The following WDR3 variants were observed in gnomAD, a reference collection of about 807,000 sequenced individuals.
The protein encoded by WDR3 is WD repeat-containing protein 3.
In WDR3, 81 loss-of-function variants were observed where a neutral mutation model predicts 123.7. The observed-to-expected ratio is 0.65, with a 90% confidence interval of 0.55 to 0.79. WDR3 has a LOEUF of 0.79. Ranked by LOEUF, WDR3 falls within the 30% of genes least tolerant of loss-of-function variation. WDR3 has a pLI of 0.00. For missense variants in WDR3, 1,027 were observed against 1,123.2 expected (o/e 0.91, Z 1.22); for synonymous variants, 390 against 388.8 (o/e 1.00, Z -0.04).
chr1:117,942,913 T>C lies in WDR3; in HGVS notation c.1097+369T>C, dbSNP rs1007917371. On this transcript the variant is annotated intron_variant, in intron 10 of 26. Transcript: ENST00000349139. Reference sequence around the variant, plus strand: ...AGTTTTTTTTTTTTTTTTTTTTTTTTACTTAAAAGCCTACTCAGCTACTAC... The same window carrying C: ...AGTTTTTTTTTTTTTTTTTTTTTTTCACTTAAAAGCCTACTCAGCTACTAC... Among the ~76,000 whole-genome samples, 23 of 148,648 alleles carry C rather than the reference T, an allele frequency of 1.5e-4. No homozygotes were observed. The South Asian group carries it at 5.1e-3, about 33-fold the overall frequency.
At position 117,942,528 on chromosome 1, in the gene WDR3, A is replaced by T. The variant is rs530007384; in HGVS notation, c.1081A>T (p.Thr361Ser). 13 of 1,613,734 alleles carry T rather than the reference A, an allele frequency of 8.1e-6. No individual in the cohort carries two copies. Among genetic ancestry groups the T allele is most frequent in the Non-Finnish European group, 8.5e-7 (1 of 1,179,798 alleles). The change falls in exon 10 of 27, where the codon ACT (threonine) becomes TCT (serine). Residue 361 changes from threonine to serine, a missense_variant. Thr to Ser is a moderately conservative substitution (Grantham distance 58). Coordinates refer to ENST00000349139, the MANE Select transcript of WDR3 (RefSeq NM_006784.3). ...DEIQRVTNIK[T>S]SAKIKSFDLI... ...AATCCAGCGGGTGACTAATATAAAA[A>T]CTTCTGCCAAAATCAAGTGAGTAAA...
chr1:117,948,889 TA>T (rs1651503753), intron 13 of WDR3, among the ~76,000 whole-genome samples: 1 of 152,168 alleles, frequency 6.6e-6, no homozygotes, highest in South Asian at 2.1e-4. Context: ...TGTCAGCCCT[TA>T]CAAGTCAATA....
intron 22 of WDR3, among the ~76,000 whole-genome samples, chr1:117,954,365 A>G (rs1468278381): frequency 1.3e-5 from 2 of 152,084 alleles, no homozygotes; most frequent in East Asian, 1.9e-4. Flanking sequence ...AGGCAGGGTA[A>G]CCATTTCAGA....
At chr1:117,938,587 A>G in intron 5 of WDR3, 29 bp downstream of exon 5, 1 of 1,596,918 alleles carries the variant, frequency 6.3e-7, no homozygotes, top group Non-Finnish European at 8.5e-7. Flanking sequence ...GCCCAGGGAA[A>G]TAATGGGAAG....
In WDR3 at chr1:117,959,415, AAG is replaced by A. The variant is rs1272838383; in HGVS notation, c.2803_2804del (p.Arg935GlyfsTer24). On this transcript the variant is annotated frameshift_variant, in exon 27 of 27. Transcript: ENST00000349139. LOFTEE classifies it high-confidence loss of function. ...HLEEKKRKRK[K>X]REKLILTLT ...GGAAGAGAAGAAGAGGAAGAGGAAAAAGAGGGAGAAGTTGATTCTAACGTTGA... is the reference window on the plus strand; with the variant it reads ...GGAAGAGAAGAAGAGGAAGAGGAAAAAGGGAGAAGTTGATTCTAACGTTGA... 2 of 1,613,410 alleles carry A rather than the reference AAG, an allele frequency of 1.2e-6. No individual in the cohort carries two copies. The highest frequency in any genetic ancestry group is 3.3e-5 in the Admixed American group (2 of 59,922).
In WDR3 at chr1:117,950,134, C is replaced by T; in HGVS notation, c.1746+4C>T. ...TTTCTACGTTGATACTTTAAAGGTACAGTGGTTATGCCTGCGGATATTTTC... is the reference window on the plus strand; with the variant it reads ...TTTCTACGTTGATACTTTAAAGGTATAGTGGTTATGCCTGCGGATATTTTC... On this transcript the variant is annotated splice_donor_region_variant and intron_variant, in intron 15 of 26. Transcript: ENST00000349139. 1.2e-6 allele frequency: 2 copies of T among 1,613,492 alleles called. No individual in the cohort carries two copies. Among genetic ancestry groups the T allele is most frequent in the Non-Finnish European group, 1.7e-6 (2 of 1,179,726 alleles).
intron 9 of WDR3, among the ~76,000 whole-genome samples, chr1:117,942,175 C>A (rs1651194271): frequency 6.6e-6 from 1 of 152,174 alleles, no homozygotes; most frequent in African/African-American, 2.4e-5. Flanking sequence ...GACCTTGTTA[C>A]AAGAAATTTT....
In WDR3 at chr1:117,934,683, G is replaced by A. The variant is rs1192920416; in HGVS notation, c.381+1G>A. ...AGGCAGACTGGCATCTGGGTCCAAG[G>A]TGAGCCTTTGAATCAGCCCAGGCTT... On this transcript the variant is annotated splice_donor_variant, in intron 3 of 26. Coordinates refer to ENST00000349139, the MANE Select transcript of WDR3 (RefSeq NM_006784.3). LOFTEE classifies it high-confidence loss of function. 6.2e-7 allele frequency: 1 copy of A among 1,612,642 alleles called. No individual in the cohort carries two copies. Among genetic ancestry groups the A allele is most frequent in the Non-Finnish European group, 8.5e-7 (1 of 1,179,832 alleles).
At position 117,952,589 on chromosome 1, in the gene WDR3, C is replaced by T. The variant is rs765515713; in HGVS notation, c.2078C>T (p.Ser693Leu). The T allele has an allele frequency of 1.9e-5, 31 of 1,613,424 alleles. No homozygotes were observed. The highest frequency in any genetic ancestry group is 2.3e-5 in the Non-Finnish European group (27 of 1,179,632). ...CCCAGTGGAGACTATGTTGTATCATCGTCCCATGACAAATCTCTGAGACTT... is the reference window on the plus strand; with the variant it reads ...CCCAGTGGAGACTATGTTGTATCATTGTCCCATGACAAATCTCTGAGACTT... ...VSPSGDYVVS[S>L]SHDKSLRLWE... is the part of the protein sequence containing the mutation. Residue 693 changes from serine to leucine, a missense_variant, in exon 19 of 27, where the codon TCG becomes TTG. Coordinates refer to ENST00000349139, the MANE Select transcript of WDR3 (RefSeq NM_006784.3).
chr1:117,930,568 C>T (rs867115735), intron 1 of WDR3, among the ~76,000 whole-genome samples: 3 of 152,198 alleles, frequency 2.0e-5, no homozygotes, highest in Middle Eastern at 3.4e-3. Context: ...ATAGGGAAAG[C>T]TCATTTGAAA....
chr1:117,956,130 C>T (rs576046470), intron 24 of WDR3, among the ~76,000 whole-genome samples: 53 of 152,096 alleles, frequency 3.5e-4, no homozygotes, highest in Non-Finnish European at 6.8e-4. Flanking sequence ...TGTATTTTGT[C>T]CTGTGAATTT....
chr1:117,952,462 A>G, intron 18 of WDR3, 54 bp downstream of exon 18: 2 of 1,598,976 alleles, frequency 1.3e-6, no homozygotes, highest in South Asian at 2.3e-5. Flanking sequence ...TTTTAAGAAT[A>G]TTTACATTAC....
chr1:117,941,059 A>G (rs1320387954), intron 7 of WDR3, 65 bp from the exon 8 acceptor site: 8 of 1,594,852 alleles, frequency 5.0e-6, no homozygotes, highest in Non-Finnish European at 6.9e-6. Context: ...TATTAGAATT[A>G]TGTTTTTTTC....
At chr1:117,934,755 C>G in intron 3 of WDR3, 73 bp downstream of exon 3, 1 of 1,509,494 alleles carries the variant, frequency 6.6e-7, no homozygotes, top group South Asian at 1.2e-5. Context: ...AAGTTGTTGA[C>G]AAAAATTGTC....
chr1:117,931,209 G>GCCA (rs1553203490), intron 1 of WDR3, among the ~76,000 whole-genome samples: 1 of 152,204 alleles, frequency 6.6e-6, no homozygotes, highest in Non-Finnish European at 1.5e-5. Context: ...ACAGGCATGA[G>GCCA]CCACCATACC....
chr1:117,949,612 G>T, intron 13 of WDR3, 139 bp from the exon 14 acceptor site: 1 of 903,366 alleles, frequency 1.1e-6, no homozygotes, highest in Non-Finnish European at 1.6e-6. Context: ...AGTGAAAGGG[G>T]CTAGGGAGAA....
chr1:117,954,425 C>G (rs1459564743), intron 22 of WDR3, among the ~76,000 whole-genome samples, 155 bp from the exon 23 acceptor site: 2 of 152,062 alleles, frequency 1.3e-5, no homozygotes, highest in African/African-American at 2.4e-5. Context: ...ACTATAGAAA[C>G]TAACAGGTTT....
At chr1:117,951,951 A>G (rs1465461483) in intron 16 of WDR3, 25 bp from the exon 17 acceptor site, 2 of 1,586,326 alleles carry the variant, frequency 1.3e-6, no homozygotes, top group South Asian at 1.1e-5. Flanking sequence ...AAATCAAGGT[A>G]GTGTTTTACT....
intron 2 of WDR3, 92 bp from the exon 3 acceptor site, chr1:117,934,381 C>T: frequency 2.5e-6 from 3 of 1,192,222 alleles, no homozygotes; most frequent in Non-Finnish European, 3.5e-6. Flanking sequence ...ATTATTGGTG[C>T]TCTTAATTTT....
Sources: allele counts gnomAD v4.1 joint callset (sites outside exome capture counted in the v4.1 genomes callset), GRCh38; gene constraint gnomAD v4.1.1; transcripts MANE v1.5; gene names NCBI Gene and HGNC (gene_info 2026-07-23, HGNC 2026-07-21).